The following IL7 variants were observed in gnomAD, a reference collection of about 807,000 sequenced individuals.
The protein encoded by IL7 is interleukin 7.
A neutral mutation model predicts 21.6 loss-of-function variants in IL7; 3 were observed. The observed-to-expected ratio is 0.14, with a 90% CI of 0.06 to 0.36. The LOEUF is 0.36. Ranked by LOEUF, IL7 falls within the 10% of genes least tolerant of loss-of-function variation. IL7 has a pLI of 1.00. For synonymous variants in IL7, 62 were observed against 68.1 expected (o/e 0.91, Z 0.44); for missense variants, 175 against 200.2 (o/e 0.87, Z 0.76).
At chr8:78,716,227 A>G (rs1811097549), downstream of IL7, among the ~76,000 whole-genome samples, 1 of 150,922 alleles carries the variant, frequency 6.6e-6, no homozygotes, top group Admixed American at 6.6e-5. Context: ...GGTTCACGCC[A>G]TTCTCCTGCC....
At chr8:78,744,727 G>A (rs758474594) in intron 2 of IL7, among the ~76,000 whole-genome samples, 5 of 152,168 alleles carry the variant, frequency 3.3e-5, no homozygotes, top group African/African-American at 1.2e-4. Flanking sequence ...TACAGTTCCT[G>A]GTTCTCCAAC....
At chr8:78,738,145 G>C (rs1019392660) in intron 4 of IL7, among the ~76,000 whole-genome samples, 2 of 152,048 alleles carry the variant, frequency 1.3e-5, no homozygotes, top group African/African-American at 4.8e-5. Context: ...TTATTGACTA[G>C]GAGTTCTTGT....
chr8:78,785,749 A>G (rs925089634), intron 2 of IL7, among the ~76,000 whole-genome samples: 1 of 152,150 alleles, frequency 6.6e-6, no homozygotes, highest in Non-Finnish European at 1.5e-5. Flanking sequence ...TCTTAAATTT[A>G]AAGTGGACCA....
At chr8:78,690,342 G>A (rs1465704013) in intron 3 of IL7, among the ~76,000 whole-genome samples, 3 of 152,074 alleles carry the variant, frequency 2.0e-5, no homozygotes, top group East Asian at 3.9e-4. Context: ...GGCAGATCAC[G>A]ATTGTCAGGA....
chr8:78,685,631 G>T (rs1349226912), intron 4 of IL7, among the ~76,000 whole-genome samples: 1 of 152,100 alleles, frequency 6.6e-6, no homozygotes, highest in Non-Finnish European at 1.5e-5. Context: ...CCACAGTAAA[G>T]ACAATACATT....
At chr8:78,696,227 G>A in intron 3 of IL7, among the ~76,000 whole-genome samples, 1 of 151,992 alleles carries the variant, frequency 6.6e-6, no homozygotes, top group Non-Finnish European at 1.5e-5. Flanking sequence ...GTAGAGACGG[G>A]GTTTCACTGT....
intron 2 of IL7, among the ~76,000 whole-genome samples, chr8:78,775,446 G>T (rs1813100994): frequency 6.6e-6 from 1 of 152,092 alleles, no homozygotes; most frequent in Non-Finnish European, 1.5e-5. Context: ...TCAGTGCAAT[G>T]AAAAGAACAC....
At chr8:78,738,301 A>G (rs1811659769) in intron 4 of IL7, among the ~76,000 whole-genome samples, 1 of 152,168 alleles carries the variant, frequency 6.6e-6, no homozygotes, top group Admixed American at 6.5e-5. Flanking sequence ...CCCCTTTCAC[A>G]AACAATTCAC....
At chr8:78,726,591 C>T (rs77219780) in intron 3 of IL7, among the ~76,000 whole-genome samples, 5,616 of 152,066 alleles carry the variant, frequency 0.037, 316 homozygotes, top group African/African-American at 0.13. Context: ...ATAATTGTCT[C>T]CCATTCCTCC....
chr8:78,739,123 A>T (rs959415579), intron 3 of IL7, among the ~76,000 whole-genome samples: 60 of 152,042 alleles, frequency 3.9e-4, no homozygotes, highest in African/African-American at 9.7e-4. Flanking sequence ...TAAGAAATTT[A>T]AAAAAAAGAA....
chr8:78,734,406 A>T (rs990222527), intron 5 of IL7, among the ~76,000 whole-genome samples: 2 of 152,166 alleles, frequency 1.3e-5, no homozygotes, highest in Non-Finnish European at 2.9e-5. Context: ...ATGAACAGAC[A>T]TATAAAGGAG....
At position 78,786,956 on chromosome 8, in the gene IL7, A is replaced by G. The variant is rs145112852; in HGVS notation, c.147+11116T>C. On this transcript the variant is annotated intron_variant, in intron 2 of 5. Coordinates refer to ENST00000263851, the MANE Select transcript of IL7 (RefSeq NM_000880.4). ...ATCACCAATGGCCAATGATTTAATC[A>G]GTCATGCCTAACTCTCCAGAGAGCT... Among the ~76,000 whole-genome samples the G allele has an allele frequency of 5.2e-3, 789 of 152,280 alleles. 10 individuals carry two copies. Among genetic ancestry groups the G allele is most frequent in the African/African-American group, 0.018 (761 of 41,570 alleles).
In IL7 at chr8:78,763,474, T is replaced by C. The variant is rs537584861; in HGVS notation, c.148-23392A>G. 4.0e-4 allele frequency among the ~76,000 whole-genome samples: 61 copies of C among 152,238 alleles called. 1 individual carries two copies. Among genetic ancestry groups the C allele is most frequent in the African/African-American group, 1.1e-3 (45 of 41,550 alleles). On this transcript the variant is annotated intron_variant, in intron 2 of 5. Transcript: ENST00000263851. ...ATTGGTATTAAGTGAAAATTGTTCA[T>C]ATAAAAATGATACAGAGACATCACT...
In IL7 at chr8:78,705,701, A is replaced by G. The variant is rs558001077; in HGVS notation, n.214+15647T>C. Among the ~76,000 whole-genome samples, 6 of 152,270 alleles carry G rather than the reference A, an allele frequency of 3.9e-5. No individual in the cohort carries two copies. In the East Asian group the frequency reaches 1.2e-3, roughly 29 times the overall value. On this transcript the variant is annotated intron_variant and non_coding_transcript_variant, in intron 3 of 4. Coordinates refer to the IL7 transcript ENST00000523959. ...CTGCTAAGTTGCCCAAACAGCAAAG[A>G]TGATGGCCTGCACACCCTGTGGGAG...
intron 3 of IL7, among the ~76,000 whole-genome samples, chr8:78,710,108 A>G (rs1430946755): frequency 2.6e-5 from 4 of 152,164 alleles, no homozygotes; most frequent in Non-Finnish European, 5.9e-5. Context: ...TCATTCAGCT[A>G]TGAGTATTTT....
At chr8:78,714,408 T>C (rs1563641188), downstream of IL7, among the ~76,000 whole-genome samples, 1 of 152,184 alleles carries the variant, frequency 6.6e-6, no homozygotes, top group Non-Finnish European at 1.5e-5. Flanking sequence ...GTAGTAATAG[T>C]ATTAGCATCA....
At chr8:78,678,786 C>A in intron 4 of IL7, 1 of 602,016 alleles carries the variant, frequency 1.7e-6, no homozygotes. Context: ...TTATCTGCTA[C>A]ATTAAGATTA....
chr8:78,761,739 A>C (rs1485075423), intron 2 of IL7: 19 of 1,611,892 alleles, frequency 1.2e-5, no homozygotes, highest in Non-Finnish European at 1.4e-5. Context: ...GTTTTTGAAC[A>C]AAACAACGTG....
chr8:78,740,424 T>C (rs893134612), intron 2 of IL7, among the ~76,000 whole-genome samples: 1 of 152,204 alleles, frequency 6.6e-6, no homozygotes, highest in Non-Finnish European at 1.5e-5. Context: ...AGTCATTAAG[T>C]TGAGATGAAC....
Sources: allele counts gnomAD v4.1 joint callset (sites outside exome capture counted in the v4.1 genomes callset), GRCh38; gene constraint gnomAD v4.1.1; transcripts MANE v1.5; gene names NCBI Gene and HGNC (gene_info 2026-07-23, HGNC 2026-07-21).